Variants in XPR1 observed in about 807,000 individuals in gnomAD.
The protein encoded by XPR1 is xenotropic and polytropic retrovirus receptor 1, also known as solute carrier family 53 member 1.
In XPR1, 28 loss-of-function variants were observed where a neutral mutation model predicts 87.5. The ratio of observed to expected loss-of-function variants is 0.32; its 90% confidence interval spans 0.24 to 0.44. The LOEUF (loss-of-function observed/expected upper bound fraction) is 0.44, where lower values mean the gene tolerates loss of function less well. Among genes scored for constraint, XPR1 ranks in the 20% least tolerant of loss-of-function variants. The pLI is 1.00. For synonymous variants in XPR1, 300 were observed against 306.1 expected (o/e 0.98, Z 0.21); for missense variants, 559 against 862.3 (o/e 0.65, Z 4.41).
intron 11 of XPR1, among the ~76,000 whole-genome samples, chr1:180,862,133 G>T (rs927169703): frequency 1.3e-5 from 2 of 151,994 alleles, no homozygotes; most frequent in Non-Finnish European, 2.9e-5. Context: ...CCTCTCATAA[G>T]CTGATGAGAA....
chr1:180,638,232 CTATTT>C lies in XPR1; in HGVS notation c.69+5965_69+5969del, dbSNP rs549725095. On this transcript the variant is annotated intron_variant, in intron 1 of 14. Transcript: ENST00000367590. ...TCCTTGTGTCATCTTTTTAAAACTT[CTATTT>C]TAAACAATTTTGTTTTACATTGTAC... Among the ~76,000 whole-genome samples the C allele has an allele frequency of 3.9e-3, 591 of 152,026 alleles. 4 individuals are homozygous for C. The highest frequency in any genetic ancestry group is 0.014 in the African/African-American group (567 of 41,458).
intron 14 of XPR1, among the ~76,000 whole-genome samples, chr1:180,881,132 C>T (rs533331614): frequency 2.6e-5 from 4 of 151,918 alleles, no homozygotes; most frequent in African/African-American, 4.8e-5. Flanking sequence ...GCTGAAAATG[C>T]AAACTTGATC....
chr1:180,733,214 G>A (rs762059803), intron 2 of XPR1, among the ~76,000 whole-genome samples: 33 of 152,278 alleles, frequency 2.2e-4, no homozygotes, highest in Non-Finnish European at 4.0e-4. Flanking sequence ...CAACATTTGG[G>A]CAGGAAAACA....
intron 2 of XPR1, among the ~76,000 whole-genome samples, chr1:180,701,887 G>C (rs1294635930): frequency 3.1e-5 from 4 of 129,442 alleles, no homozygotes; most frequent in Admixed American, 7.4e-5. Context: ...CAAAAAACCA[G>C]CTCCTGGATT....
At chr1:180,813,279 C>A (rs1650290787) in intron 7 of XPR1, among the ~76,000 whole-genome samples, 1 of 152,116 alleles carries the variant, frequency 6.6e-6, no homozygotes, top group Non-Finnish European at 1.5e-5. Context: ...ATCTAAGAGC[C>A]TCTGCAGTTG....
At chr1:180,883,980 C>G in intron 14 of XPR1, 26 bp from the exon 15 acceptor site, 1 of 1,610,486 alleles carries the variant, frequency 6.2e-7, no homozygotes. Context: ...GGACTAAGTG[C>G]TTTTTGTCCC....
chr1:180,868,874 G>A (rs1317890778), intron 12 of XPR1, among the ~76,000 whole-genome samples: 3 of 8,220 alleles, frequency 3.6e-4, no homozygotes, highest in African/African-American at 1.9e-3. Flanking sequence ...GGTGAGAGAG[G>A]GCATCCCTGT....
chr1:180,795,460 A>G (rs954857813), intron 3 of XPR1, among the ~76,000 whole-genome samples: 4 of 152,176 alleles, frequency 2.6e-5, no homozygotes, highest in Admixed American at 2.0e-4. Flanking sequence ...ATTTACTGGC[A>G]TAAGTAGAAA....
At chr1:180,726,104 T>C (rs1658328924) in intron 2 of XPR1, among the ~76,000 whole-genome samples, 1 of 152,196 alleles carries the variant, frequency 6.6e-6, no homozygotes, top group African/African-American at 2.4e-5. Context: ...ATCAGCGCTC[T>C]GTGTCTAGCT....
rs139002331 is a variant in XPR1, at chr1:180,803,410, C to T, written c.246C>T (p.Arg82=). The T allele has an allele frequency of 6.2e-7, 1 of 1,613,968 alleles. No individual in the cohort carries two copies. The highest frequency in any genetic ancestry group is 2.2e-5 in the East Asian group (1 of 44,878). ...FYSEKLAEAQ[R]RFATLQNELQ... Reference sequence around the variant, plus strand: ...TAGAGAAGCTCGCAGAGGCTCAGCGCAGGTTTGCTACACTTCAGAATGAGC... The same window carrying T: ...TAGAGAAGCTCGCAGAGGCTCAGCGTAGGTTTGCTACACTTCAGAATGAGC... The change falls in exon 4 of 15, where the codon CGC becomes CGT. Residue 82 remains arginine (R), a synonymous_variant. Transcript: ENST00000367590.
At chr1:180,637,326 G>A (rs1654818072) in intron 1 of XPR1, among the ~76,000 whole-genome samples, 1 of 151,980 alleles carries the variant, frequency 6.6e-6, no homozygotes. Flanking sequence ...TCTAGTTTTA[G>A]CCAAATCAAC....
chr1:180,632,958 A>G (rs1479611488), intron 1 of XPR1, among the ~76,000 whole-genome samples: 1 of 152,222 alleles, frequency 6.6e-6, no homozygotes, highest in East Asian at 1.9e-4. Flanking sequence ...GAGTAATAAC[A>G]TCTTTGTTTT....
Position 180,735,969 on chromosome 1 carries a change from C to T in XPR1, c.122-51784C>T, listed in dbSNP as rs577893345. 3.9e-4 allele frequency among the ~76,000 whole-genome samples: 60 copies of T among 152,204 alleles called. 1 individual carries two copies. The highest frequency in any genetic ancestry group is 1.4e-3 in the African/African-American group (59 of 41,512). On this transcript the variant is annotated intron_variant, in intron 2 of 14. Transcript: ENST00000367590. ...CATGAGTATCTATGAATACTAGACA[C>T]CAGGATATGGGATATGGCAATGAAC...
At chr1:180,663,220 A>T (rs1442503150) in intron 1 of XPR1, among the ~76,000 whole-genome samples, 1 of 152,148 alleles carries the variant, frequency 6.6e-6, no homozygotes, top group African/African-American at 2.4e-5. Flanking sequence ...TTCAAGAGTT[A>T]TTTATTGTAG....
Position 180,823,283 on chromosome 1 carries a change from GAGC to G in XPR1, c.764-1467_764-1465del, listed in dbSNP as rs372429237. Among the ~76,000 whole-genome samples, 11 of 151,662 alleles carry G rather than the reference GAGC, an allele frequency of 7.3e-5. No homozygotes were observed. The East Asian group carries it at 1.7e-3, about 24-fold the overall frequency. On this transcript the variant is annotated intron_variant, in intron 7 of 14. Coordinates refer to ENST00000367590, the MANE Select transcript of XPR1 (RefSeq NM_004736.4). The stretch of plus-strand genomic sequence containing the variant: ...GTTTGTATGTAATTAAATTCCAAAT[GAGC>G]AGTACTGTCAATAAATTTTATAGTT...
chr1:180,646,664 A>G lies in XPR1; in HGVS notation c.69+14394A>G, dbSNP rs118026814. 3.9e-5 allele frequency among the ~76,000 whole-genome samples: 6 copies of G among 152,088 alleles called. No individual in the cohort carries two copies. In the East Asian group the frequency reaches 9.6e-4, roughly 24 times the overall value. ...ATTGGGTCTTTTCCCCTATTCAAAG[A>G]AGCTCTCTGCTCACATTTGTTTTTT... On this transcript the variant is annotated intron_variant, in intron 1 of 14. Coordinates refer to ENST00000367590, the MANE Select transcript of XPR1 (RefSeq NM_004736.4).
intron 6 of XPR1, among the ~76,000 whole-genome samples, chr1:180,809,488 A>G (rs574644829): frequency 1.1e-3 from 164 of 152,332 alleles, no homozygotes; most frequent in African/African-American, 3.8e-3. Flanking sequence ...CTTGGAAATA[A>G]AGAGAAGAAT....
At chr1:180,682,833 C>T (rs191629767) in intron 2 of XPR1, among the ~76,000 whole-genome samples, 26 of 146,234 alleles carry the variant, frequency 1.8e-4, no homozygotes, top group East Asian at 1.2e-3. Flanking sequence ...TGTGTGTGTG[C>T]GTGTGTGTGT....
intron 7 of XPR1, among the ~76,000 whole-genome samples, chr1:180,812,967 A>C (rs887531139): frequency 6.6e-6 from 1 of 151,408 alleles, no homozygotes; most frequent in East Asian, 1.9e-4. Context: ...TTTCTTGTTT[A>C]GTGTATAGCA....
Sources: gnomAD v4.1 joint callset for allele counts (sites outside exome capture counted in the v4.1 genomes callset) on GRCh38, gnomAD v4.1.1 for gene constraint, MANE v1.5 for transcripts, NCBI Gene and HGNC (gene_info 2026-07-23, HGNC 2026-07-21) for gene names.